EPB41L3: variants seen among roughly 807,000 people sequenced by gnomAD.
The protein encoded by EPB41L3 is band 4.1-like protein 3.
Under a neutral mutation model 127.1 loss-of-function variants are expected in EPB41L3, and 57 were observed. The ratio of observed to expected loss-of-function variants is 0.45; its 90% CI spans 0.36 to 0.56. EPB41L3 has a LOEUF of 0.56. Among genes scored for constraint, EPB41L3 ranks in the 20% least tolerant of loss-of-function variants. The pLI is 0.00. For missense variants in EPB41L3, 1,273 were observed against 1,372.2 expected (o/e 0.93, Z 1.14); for synonymous variants, 572 against 549.5 (o/e 1.04, Z -0.57).
chr18:5,540,936 T>G (rs2093701020), intron 1 of EPB41L3, among the ~76,000 whole-genome samples: 1 of 151,822 alleles, frequency 6.6e-6, no homozygotes, highest in African/African-American at 2.4e-5. Context: ...TACAAAAAAA[T>G]TAGCCGGGCG....
At chr18:5,490,897 G>A (rs907952197) in intron 1 of EPB41L3, among the ~76,000 whole-genome samples, 2 of 152,112 alleles carry the variant, frequency 1.3e-5, no homozygotes, top group Non-Finnish European at 1.5e-5. Context: ...CCAAATATAA[G>A]CCAAGCACTG....
At chr18:5,515,180 C>T (rs2092701205) in intron 1 of EPB41L3, among the ~76,000 whole-genome samples, 2 of 152,196 alleles carry the variant, frequency 1.3e-5, no homozygotes, top group African/African-American at 4.8e-5. Context: ...CTAACACTTT[C>T]TGTAATTCCT....
At chr18:5,599,708 C>T (rs188424729) in intron 3 of EPB41L3, among the ~76,000 whole-genome samples, 124 of 152,224 alleles carry the variant, frequency 8.1e-4, no homozygotes, top group African/African-American at 2.8e-3. Context: ...CTTTGCCTTC[C>T]GCCATGGTTG....
intron 1 of EPB41L3, among the ~76,000 whole-genome samples, chr18:5,540,147 T>C (rs1344502290): frequency 1.3e-5 from 2 of 152,206 alleles, no homozygotes; most frequent in Non-Finnish European, 2.9e-5. Context: ...AATATACTCA[T>C]TTTTCTTGTT....
At chr18:5,486,974 G>A (rs2089860595) in intron 2 of EPB41L3, among the ~76,000 whole-genome samples, 1 of 152,146 alleles carries the variant, frequency 6.6e-6, no homozygotes, top group Non-Finnish European at 1.5e-5. Flanking sequence ...TCCATTACTG[G>A]ATATATGTCC....
In EPB41L3 at chr18:5,434,052, C is replaced by G; in HGVS notation, c.675G>C (p.Leu225=). ...GGACAGTGTAGGAGCCCAGCAAGGCCAGGGTAACAAAGGAGCAGGGCAGCC... is the reference window on the plus strand; with the variant it reads ...GGACAGTGTAGGAGCCCAGCAAGGCGAGGGTAACAAAGGAGCAGGGCAGCC... The part of the protein sequence containing the change: ...SGRLPCSFVT[L]ALLGSYTVQS... The change falls in exon 7 of 23, where the codon CTG becomes CTC. Residue 225 remains leucine, a synonymous_variant. Coordinates refer to ENST00000341928, the MANE Select transcript of EPB41L3 (RefSeq NM_012307.5). The G allele has an allele frequency of 6.2e-7, 1 of 1,614,092 alleles. No individual in the cohort carries two copies. The highest frequency in any genetic ancestry group is 8.5e-7 in the Non-Finnish European group (1 of 1,180,016).
Position 5,395,738 on chromosome 18 carries a change from C to T in EPB41L3, c.2974-31G>A, listed in dbSNP as rs764862372. ...GCAGCAGAGGCATAGACCCCTCATCCAGGTGCTCACATCTGCTCTTCAGAA... is the reference window on the plus strand; with the variant it reads ...GCAGCAGAGGCATAGACCCCTCATCTAGGTGCTCACATCTGCTCTTCAGAA... On this transcript the variant is annotated intron_variant, in intron 19 of 22. Coordinates refer to ENST00000341928, the MANE Select transcript of EPB41L3 (RefSeq NM_012307.5). The T allele has an allele frequency of 1.9e-6, 3 of 1,555,698 alleles. No homozygotes were observed. In the South Asian group the frequency reaches 3.4e-5, roughly 17 times the overall value.
intron 8 of EPB41L3, among the ~76,000 whole-genome samples, chr18:5,429,538 T>C (rs766800247): frequency 3.9e-5 from 6 of 152,284 alleles, no homozygotes; most frequent in Middle Eastern, 3.4e-3. Context: ...TGAGCATCCA[T>C]TGGAAGCTAT....
intron 1 of EPB41L3, among the ~76,000 whole-genome samples, chr18:5,514,864 C>T (rs1301226108): frequency 1.3e-5 from 2 of 152,146 alleles, no homozygotes; most frequent in Non-Finnish European, 2.9e-5. Flanking sequence ...TCTCTTTTTC[C>T]AAATTACAGG....
At chr18:5,500,250 C>T (rs1219439869) in intron 1 of EPB41L3, among the ~76,000 whole-genome samples, 1 of 152,138 alleles carries the variant, frequency 6.6e-6, no homozygotes, top group Non-Finnish European at 1.5e-5. Context: ...ATATTCTTCG[C>T]CAATTCTATT....
Position 5,418,377 on chromosome 18 carries a change from TA to T in EPB41L3, c.1506+1333del, listed in dbSNP as rs1425243931. Reference sequence around the variant, plus strand: ...TCCGGCCTTATCTTGGGAGCAAAACTAAAAATCACTTACATTGATGTGTCAC... The same window carrying T: ...TCCGGCCTTATCTTGGGAGCAAAACTAAAATCACTTACATTGATGTGTCAC... On this transcript the variant is annotated intron_variant, in intron 12 of 22. Transcript: ENST00000341928. Among the ~76,000 whole-genome samples the T allele has an allele frequency of 2.6e-5, 4 of 152,206 alleles. 1 individual carries two copies. The highest frequency in any genetic ancestry group is 2.6e-4 in the Admixed American group (4 of 15,280).
chr18:5,615,612 G>A (rs544512513), intron 1 of EPB41L3, among the ~76,000 whole-genome samples: 20 of 152,276 alleles, frequency 1.3e-4, no homozygotes, highest in Admixed American at 1.1e-3. Context: ...GAAGTTGTGG[G>A]AAAGGCCAGA....
chr18:5,492,722 T>C (rs932920384), intron 1 of EPB41L3, among the ~76,000 whole-genome samples: 1 of 152,206 alleles, frequency 6.6e-6, no homozygotes, highest in Non-Finnish European at 1.5e-5. Flanking sequence ...ATACTAAATT[T>C]ACCTTAAAAT....
At chr18:5,552,367 G>GA (rs1192012282) in intron 3 of EPB41L3, among the ~76,000 whole-genome samples, 4 of 152,222 alleles carry the variant, frequency 2.6e-5, no homozygotes, top group East Asian at 1.9e-4. Context: ...ACACCCAAAA[G>GA]AAAAAAATAT....
intron 3 of EPB41L3, among the ~76,000 whole-genome samples, chr18:5,552,771 C>A (rs918887165): frequency 2.6e-5 from 4 of 152,158 alleles, no homozygotes; most frequent in Admixed American, 6.5e-5. Context: ...TATTATTACC[C>A]TTATTTTCAA....
chr18:5,545,516 T>G (rs2093862402), upstream of EPB41L3, among the ~76,000 whole-genome samples: 1 of 152,168 alleles, frequency 6.6e-6, no homozygotes, highest in Non-Finnish European at 1.5e-5. Flanking sequence ...GGGAGAAGGT[T>G]GGAAAATTAT....
intron 13 of EPB41L3, among the ~76,000 whole-genome samples, chr18:5,412,937 A>G (rs1397829657): frequency 6.6e-6 from 1 of 151,986 alleles, no homozygotes; most frequent in African/African-American, 2.4e-5. Context: ...TCAGCCATAC[A>G]CAAATAGCAT....
intron 9 of EPB41L3, among the ~76,000 whole-genome samples, chr18:5,426,977 A>G (rs1009877652): frequency 2.0e-5 from 3 of 152,210 alleles, no homozygotes; most frequent in Non-Finnish European, 4.4e-5. Flanking sequence ...TGTTCATACT[A>G]AACATCATTA....
At chr18:5,536,905 T>C (rs912760835) in intron 1 of EPB41L3, among the ~76,000 whole-genome samples, 5 of 152,166 alleles carry the variant, frequency 3.3e-5, no homozygotes, top group Non-Finnish European at 5.9e-5. Context: ...TCTATTCATG[T>C]AAAATATTAT....
Sources: gnomAD v4.1 joint callset for allele counts (sites outside exome capture counted in the v4.1 genomes callset) on GRCh38, gnomAD v4.1.1 for gene constraint, MANE v1.5 for transcripts, NCBI Gene and HGNC (gene_info 2026-07-23, HGNC 2026-07-21) for gene names.